The following RAPGEF4 variants were observed in gnomAD, a reference collection of about 807,000 sequenced individuals.
RAPGEF4 encodes Rap guanine nucleotide exchange factor 4.
Under a neutral mutation model 147.9 loss-of-function variants are expected in RAPGEF4, and 66 were observed. The observed-to-expected ratio is 0.45, with a 90% CI of 0.37 to 0.55. RAPGEF4 has a LOEUF of 0.55. Among genes scored for constraint, RAPGEF4 ranks in the 20% least tolerant of loss-of-function variants. The pLI is 0.00. For synonymous variants in RAPGEF4, 419 were observed against 442.7 expected, an observed-to-expected ratio of 0.95 and a Z score of 0.67; for missense variants, 1,071 against 1,257.3, an observed-to-expected ratio of 0.85 and a Z score of 2.24.
chr2:172,786,746 T>C (rs1685247115), intron 1 of RAPGEF4, among the ~76,000 whole-genome samples: 1 of 152,046 alleles, frequency 6.6e-6, no homozygotes. Context: ...TGTGGTGGCA[T>C]GTACCTGTAG....
At chr2:172,883,959 T>C (rs1325997579) in intron 4 of RAPGEF4, among the ~76,000 whole-genome samples, 1 of 152,216 alleles carries the variant, frequency 6.6e-6, no homozygotes, top group East Asian at 1.9e-4. Context: ...AAATTATATC[T>C]ACGGTCAGTG....
intron 6 of RAPGEF4, among the ~76,000 whole-genome samples, chr2:172,943,305 C>T (rs2105341424): frequency 6.6e-6 from 1 of 152,174 alleles, no homozygotes; most frequent in South Asian, 2.1e-4. Context: ...CAGAATGGCT[C>T]TTTTTAGAGA....
At chr2:172,965,409 G>T (rs1689723239) in intron 8 of RAPGEF4, 153 bp from the exon 9 acceptor site, 6 of 847,094 alleles carry the variant, frequency 7.1e-6, no homozygotes, top group Non-Finnish European at 1.1e-5. Context: ...TTGAGAACCT[G>T]AAGCTACCGC....
rs140794590 is a variant in RAPGEF4, at chr2:173,039,587, T to A, written c.2853+2895T>A. ...AAGATGGCAACCTCCACCTCCACAC[T>A]CCAACCACAGGGAAAGGGAAAGGAG... On this transcript the variant is annotated intron_variant, in intron 29 of 30. Transcript: ENST00000397081. Among the ~76,000 whole-genome samples the A allele has an allele frequency of 1.1e-4, 16 of 152,014 alleles. No individual in the cohort carries two copies. The East Asian group carries it at 2.9e-3, about 28-fold the overall frequency.
intron 4 of RAPGEF4, among the ~76,000 whole-genome samples, chr2:172,890,624 T>C (rs1451704410): frequency 2.0e-5 from 3 of 152,222 alleles, no homozygotes; most frequent in Non-Finnish European, 2.9e-5. Context: ...GTCTATAGGC[T>C]GTAGTTCCTA....
chr2:172,804,235 C>G (rs966080759), intron 3 of RAPGEF4, among the ~76,000 whole-genome samples: 2 of 152,008 alleles, frequency 1.3e-5, no homozygotes, highest in Non-Finnish European at 2.9e-5. Context: ...TTCATATTGC[C>G]TTCCTGTTTC....
chr2:172,925,777 A>AAAAGAG (rs1486298673), intron 6 of RAPGEF4, among the ~76,000 whole-genome samples: 1 of 133,804 alleles, frequency 7.5e-6, no homozygotes, highest in Non-Finnish European at 1.6e-5. Flanking sequence ...GAAAGAAAGA[A>AAAAGAG]AGAGAGAGAG....
intron 10 of RAPGEF4, among the ~76,000 whole-genome samples, chr2:172,973,803 GA>G (rs768846182): frequency 6.6e-6 from 1 of 152,188 alleles, no homozygotes; most frequent in Non-Finnish European, 1.5e-5. Context: ...TGAGTTTTAT[GA>G]GATTATGTTT....
chr2:172,814,138 T>C, intron 3 of RAPGEF4, 141 bp from the exon 4 acceptor site: 1 of 819,468 alleles, frequency 1.2e-6, no homozygotes, highest in East Asian at 2.6e-5. Flanking sequence ...TACTCCGGTA[T>C]ATATATTTGT....
intron 4 of RAPGEF4, among the ~76,000 whole-genome samples, chr2:172,907,912 T>C (rs1295104009): frequency 6.6e-6 from 1 of 152,214 alleles, no homozygotes; most frequent in Non-Finnish European, 1.5e-5. Flanking sequence ...ATCCTCACAA[T>C]GGTCCTGAAA....
chr2:172,875,693 C>T (rs1171086391), intron 4 of RAPGEF4, among the ~76,000 whole-genome samples: 1 of 152,094 alleles, frequency 6.6e-6, no homozygotes, highest in Admixed American at 6.5e-5. Flanking sequence ...ATGCCTCCAG[C>T]TTTGTTCTTT....
At chr2:172,838,789 C>T (rs938779049) in intron 4 of RAPGEF4, among the ~76,000 whole-genome samples, 1 of 152,074 alleles carries the variant, frequency 6.6e-6, no homozygotes, top group East Asian at 1.9e-4. Context: ...CTTACATATA[C>T]TTGATACACC....
chr2:172,915,686 AG>A (rs1433500416), intron 4 of RAPGEF4, among the ~76,000 whole-genome samples: 11 of 127,502 alleles, frequency 8.6e-5, no homozygotes, highest in African/African-American at 3.3e-4. Context: ...CCTGGGCAAC[AG>A]AGTGAGACCC....
At chr2:172,860,567 G>GTTTTTTTTTT (rs11400519) in intron 4 of RAPGEF4, among the ~76,000 whole-genome samples, 1 of 129,588 alleles carries the variant, frequency 7.7e-6, no homozygotes, top group Admixed American at 7.9e-5. Context: ...GTTTATTTGG[G>GTTTTTTTTTT]TTTTTTTTTT....
At chr2:172,767,513 T>A (rs76878703) in intron 1 of RAPGEF4, among the ~76,000 whole-genome samples, 3,839 of 152,208 alleles carry the variant, frequency 0.025, 104 homozygotes, top group Non-Finnish European at 0.034. Flanking sequence ...TATAAACATA[T>A]GCATGGACAG....
intron 4 of RAPGEF4, among the ~76,000 whole-genome samples, chr2:172,908,484 C>T (rs1699823084): frequency 6.6e-6 from 1 of 152,218 alleles, no homozygotes; most frequent in Admixed American, 6.5e-5. Flanking sequence ...AAACCACAAC[C>T]ATAGAAGTCA....
chr2:172,867,503 T>C (rs2149798121), intron 4 of RAPGEF4, among the ~76,000 whole-genome samples: 1 of 152,270 alleles, frequency 6.6e-6, no homozygotes, highest in East Asian at 1.9e-4. Flanking sequence ...GAGAAGAGAC[T>C]CTTGACCCTT....
chr2:172,918,908 C>T (rs1303082929), intron 5 of RAPGEF4, among the ~76,000 whole-genome samples: 1 of 152,152 alleles, frequency 6.6e-6, no homozygotes, highest in African/African-American at 2.4e-5. Flanking sequence ...CAGTCACTCA[C>T]TGCAAGAGAT....
intron 23 of RAPGEF4, among the ~76,000 whole-genome samples, chr2:173,025,633 G>C (rs1696589103): frequency 2.0e-5 from 3 of 152,168 alleles, no homozygotes; most frequent in Admixed American, 2.0e-4. Context: ...AGTAGAGACA[G>C]GGTTTCGCCA....
Sources: gnomAD v4.1 joint callset for allele counts (sites outside exome capture counted in the v4.1 genomes callset) on GRCh38, gnomAD v4.1.1 for gene constraint, MANE v1.5 for transcripts, NCBI Gene and HGNC (gene_info 2026-07-23, HGNC 2026-07-21) for gene names.